The following LSM14B variants were observed in gnomAD, a reference collection of about 807,000 sequenced individuals.
LSM14B encodes the protein protein LSM14 homolog B.
LSM14B carries 8 observed loss-of-function variants against 42.1 expected under a neutral mutation model. That is an observed-to-expected ratio of 0.19 (90% CI 0.11 to 0.34). LSM14B has a LOEUF of 0.34. Ranked by LOEUF, LSM14B falls within the 10% of genes least tolerant of loss-of-function variation. LSM14B has a pLI of 1.00. For synonymous variants in LSM14B, 219 were observed against 209.7 expected, an observed-to-expected ratio of 1.04 and a Z score of -0.38; for missense variants, 396 against 513.1, an observed-to-expected ratio of 0.77 and a Z score of 2.21.
chr20:62,130,422 T>C lies in LSM14B; in HGVS notation c.674-108T>C. On this transcript the variant is annotated intron_variant, in intron 5 of 8. Transcript: ENST00000279068. This position sits in a 1 kb window ranked among gnomAD's most constrained non-coding sequence, Gnocchi z 4.1. ...TGGTGTGAAGTCGCTGCTTGTGTGC[T>C]CTGTTCCTTCTGTGGCCTTGGGGGT... 1 of 1,536,128 alleles carries C rather than the reference T, an allele frequency of 6.5e-7. No individual in the cohort carries two copies. Among genetic ancestry groups the C allele is most frequent in the Non-Finnish European group, 8.8e-7 (1 of 1,132,654 alleles).
chr20:62,124,703 A>T lies in LSM14B; in HGVS notation c.214A>T (p.Ser72Cys), dbSNP rs1454066861. 6.2e-7 allele frequency: 1 copy of T among 1,613,874 alleles called. No homozygotes were observed. The change falls in exon 2 of 9, where the codon AGT becomes TGT. Residue 72 changes from serine to cysteine, a missense_variant. By Grantham distance (112) the Ser-to-Cys change is moderately radical. Coordinates refer to ENST00000279068, the MANE Select transcript of LSM14B (RefSeq NM_144703.3). ...EIYEYIIFRG[S>C]DIKDITVCEP... Reference sequence around the variant, plus strand: ...TTATGAGTACATCATTTTCCGAGGAAGTGACATCAAGGATATCACTGTGTG... The same window carrying T: ...TTATGAGTACATCATTTTCCGAGGATGTGACATCAAGGATATCACTGTGTG...
At chr20:62,131,281 C>T (rs372683850) in intron 6 of LSM14B, 75 bp from the exon 7 acceptor site, 25 of 1,505,022 alleles carry the variant, frequency 1.7e-5, no homozygotes, top group East Asian at 9.2e-5. Flanking sequence ...CGAGTGAGCC[C>T]GGAGGGACCA....
At chr20:62,123,038 C>T (rs1192595173) in intron 1 of LSM14B, 1 of 219,114 alleles carries the variant, frequency 4.6e-6, no homozygotes, top group African/African-American at 2.3e-5. Flanking sequence ...CCTGGGCTCC[C>T]AGGGCGGCGG....
At position 62,129,968 on chromosome 20, in the gene LSM14B, A is replaced by G. The variant is rs77635756; in HGVS notation, c.595+16A>G. The G allele has an allele frequency of 7.6e-4, 1,210 of 1,597,200 alleles. 46 individuals carry two copies. The East Asian group carries it at 0.027, about 35-fold the overall frequency. The stretch of plus-strand genomic sequence containing the variant: ...ACGGCCAGCGGTACTTGAACACATC[A>G]TTTCCTGGAGTTTGCTTGATGTTCT... On this transcript the variant is annotated intron_variant, in intron 4 of 8. Transcript: ENST00000279068.
At position 62,130,721 on chromosome 20, in the gene LSM14B, T is replaced by C. The variant is rs2056742379; in HGVS notation, c.835+30T>C. ...GGCTCATTATATGAAAATTATTCTC[T>C]GCACAGGAGTACCCCTAGAGAGTGT... On this transcript the variant is annotated intron_variant, in intron 6 of 8. Transcript: ENST00000279068. The surrounding 1 kb of genome is among the most constrained non-coding windows in gnomAD (Gnocchi z 4.1). 5 of 1,605,298 alleles carry C rather than the reference T, an allele frequency of 3.1e-6. No individual in the cohort carries two copies. Among genetic ancestry groups the C allele is most frequent in the Non-Finnish European group, 4.2e-6 (5 of 1,176,690 alleles).
chr20:62,127,814 C>A, intron 3 of LSM14B: 1 of 808,840 alleles, frequency 1.2e-6, no homozygotes, highest in Non-Finnish European at 2.1e-6. Context: ...CAAGCCCATG[C>A]AGCCGCTGAG....
In LSM14B at chr20:62,122,609, G is replaced by A. The variant is rs1220488088; in HGVS notation, c.-58G>A. ...GGCCAGGCCACCGCGCGGCGGCGGA[G>A]CGGGCCGCGGCCCGGCGCTCCTTCC... On this transcript the variant is annotated 5_prime_UTR_variant, in exon 1 of 9. Transcript: ENST00000279068. The surrounding 1 kb of genome is among the most constrained non-coding windows in gnomAD (Gnocchi z 4.6). 2.1e-5 allele frequency: 23 copies of A among 1,069,854 alleles called. No homozygotes were observed. In the East Asian group the frequency reaches 1.8e-3, roughly 82 times the overall value. 66.3% of individuals were successfully genotyped at this position (1,069,854 alleles called of 1,614,324 possible).
At position 62,130,491 on chromosome 20, in the gene LSM14B, G is replaced by A. The variant is rs765936929; in HGVS notation, c.674-39G>A. On this transcript the variant is annotated intron_variant, in intron 5 of 8. Coordinates refer to ENST00000279068, the MANE Select transcript of LSM14B (RefSeq NM_144703.3). This position sits in a 1 kb window ranked among gnomAD's most constrained non-coding sequence, Gnocchi z 4.1. ...TGAGGTGTTTGAGATCACTGGGTTG[G>A]TGACCTACTTCAGCCAGGGCTGTCC... 6.2e-6 allele frequency: 10 copies of A among 1,605,934 alleles called. No individual in the cohort carries two copies. The Admixed American group carries it at 1.7e-4, about 27-fold the overall frequency.
Position 62,126,207 on chromosome 20 carries a change from G to A in LSM14B, c.292-97G>A, listed in dbSNP as rs565729299. The A allele has an allele frequency of 8.0e-4, 1,265 of 1,573,094 alleles. 27 individuals carry two copies. The South Asian group carries it at 0.014, about 17-fold the overall frequency. On this transcript the variant is annotated intron_variant, in intron 2 of 8. Coordinates refer to ENST00000279068, the MANE Select transcript of LSM14B (RefSeq NM_144703.3). ...GCATCTCAAGGGTGCAGGCTGATGG[G>A]ACGGTGCTTGTTTCCCAGCTGAACA... is the stretch of plus-strand genomic sequence containing the variant.
At position 62,122,582 on chromosome 20, in the gene LSM14B, G is replaced by C. The variant is rs568285767; in HGVS notation, c.-85G>C. The C allele has an allele frequency of 1.0e-6, 1 of 960,424 alleles. No homozygotes were observed. The highest frequency in any genetic ancestry group is 1.3e-6 in the Non-Finnish European group (1 of 798,828). The allele number at this position is 960,424 out of a possible 1,614,324, so 59.5% of individuals were successfully genotyped here. A position where few individuals can be genotyped will look rare whatever the true frequency, so the allele number is the denominator to read the frequency against. The stretch of plus-strand genomic sequence containing the variant: ...GGCGGGCGGAGGAGCGCAGGAGCGG[G>C]CGGCCAGGCCACCGCGCGGCGGCGG... On this transcript the variant is annotated 5_prime_UTR_variant, in exon 1 of 9. Coordinates refer to ENST00000279068, the MANE Select transcript of LSM14B (RefSeq NM_144703.3). This position sits in a 1 kb window ranked among gnomAD's most constrained non-coding sequence, Gnocchi z 4.6.
Position 62,131,371 on chromosome 20 carries a change from A to G in LSM14B, c.851A>G (p.Lys284Arg), listed in dbSNP as rs2056761287. 6.2e-7 allele frequency: 1 copy of G among 1,602,980 alleles called. No homozygotes were observed. The highest frequency in any genetic ancestry group is 8.5e-7 in the Non-Finnish European group (1 of 1,174,322). The stretch of plus-strand genomic sequence containing the variant: ...CTTTTTGTAGATGACAAGGCTGAGA[A>G]GGGGGAAGAGAAGGACCTGGCTGTG... ...KLNFKDDKAE[K>R]GEEKDLAVVT... The change falls in exon 7 of 9, where the codon AAG becomes AGG. Residue 284 changes from lysine to arginine, a missense_variant. Physicochemically the swap from Lys to Arg is conservative, Grantham distance 26 (BLOSUM62 2). This residue lies in a region of LSM14B where 118 missense variants were observed against 156.4 expected (regional missense o/e 0.75). Coordinates refer to ENST00000279068, the MANE Select transcript of LSM14B (RefSeq NM_144703.3).
Position 62,124,786 on chromosome 20 carries a change from T to C in LSM14B, c.291+6T>C, listed in dbSNP as rs1032545600. On this transcript the variant is annotated splice_donor_region_variant and intron_variant, in intron 2 of 8. Coordinates refer to ENST00000279068, the MANE Select transcript of LSM14B (RefSeq NM_144703.3). ...AGGATCCCGCCATTGTTCAGGTAAG[T>C]GTGCCACTGTCCCTCTGTGCATGCT... 1.2e-6 allele frequency: 2 copies of C among 1,610,780 alleles called. No homozygotes were observed. The highest frequency in any genetic ancestry group is 1.7e-6 in the Non-Finnish European group (2 of 1,178,096).
Position 62,122,999 on chromosome 20 carries a change from C to G in LSM14B, c.127+206C>G, listed in dbSNP as rs1023288334. 3.9e-5 allele frequency among the ~76,000 whole-genome samples: 6 copies of G among 152,032 alleles called. No individual in the cohort carries two copies. Among genetic ancestry groups the G allele is most frequent in the African/African-American group, 1.2e-4 (5 of 41,426 alleles). On this transcript the variant is annotated intron_variant, in intron 1 of 8. Coordinates refer to ENST00000279068, the MANE Select transcript of LSM14B (RefSeq NM_144703.3). The surrounding 1 kb of genome is among the most constrained non-coding windows in gnomAD (Gnocchi z 4.6). ...GCCCCCTTCCCGCGCGCCACCCTCC[C>G]CCAGCGTAGCCGGCCGCACAATGGT...
chr20:62,124,590 T>C, intron 1 of LSM14B, 27 bp from the exon 2 acceptor site: 1 of 1,608,660 alleles, frequency 6.2e-7, no homozygotes. Flanking sequence ...AGGACAACAA[T>C]AACGCTTCTC....
At chr20:62,123,431 C>G (rs535147148) in intron 1 of LSM14B, 1 of 152,468 alleles carries the variant, frequency 6.6e-6, no homozygotes, top group Admixed American at 6.5e-5. Flanking sequence ...CTGCTCTATC[C>G]TGACCTTCCC....
intron 7 of LSM14B, 63 bp from the exon 8 acceptor site, chr20:62,133,227 G>A (rs1192777375): frequency 8.9e-6 from 14 of 1,580,456 alleles, no homozygotes; most frequent in Non-Finnish European, 6.0e-6. Context: ...CTCTGAGGAC[G>A]AGGCCTGGCC....
chr20:62,131,642 T>C (rs2056769434), intron 7 of LSM14B, 136 bp downstream of exon 7: 1 of 1,137,978 alleles, frequency 8.8e-7, no homozygotes, highest in Admixed American at 2.4e-5. Flanking sequence ...CGTTTCTGCA[T>C]GATGGGTGCC....
chr20:62,126,965 C>T (rs1019345696), intron 3 of LSM14B, among the ~76,000 whole-genome samples: 2 of 152,136 alleles, frequency 1.3e-5, no homozygotes, highest in Non-Finnish European at 1.5e-5. Flanking sequence ...CCACTGCACT[C>T]TAGCCTGAGC....
rs1218929353 is a variant in LSM14B at position 62,127,844 on chromosome 20, A to G, written c.427+1405A>G. On this transcript the variant is annotated intron_variant, in intron 3 of 8. Transcript: ENST00000279068. ...GCTGAGCTGCTTGTTTTGCTTCAGC[A>G]TGTAGTCCTGATTGATGAACTCTCA... is the stretch of plus-strand genomic sequence containing the variant. 5 of 729,524 alleles carry G rather than the reference A, an allele frequency of 6.9e-6. No individual in the cohort carries two copies. The East Asian group carries it at 8.0e-5, about 12-fold the overall frequency. 45.2% of individuals were successfully genotyped at this position (729,524 alleles called of 1,614,324 possible).
Sources: allele counts gnomAD v4.1 joint callset (sites outside exome capture counted in the v4.1 genomes callset), GRCh38; gene constraint gnomAD v4.1.1; regional missense constraint gnomAD v4.1.1; non-coding constraint Gnocchi (gnomAD v3.1); transcripts MANE v1.5; gene names NCBI Gene and HGNC (gene_info 2026-07-23, HGNC 2026-07-21).